The following RUNX2 variants were observed in gnomAD, a reference collection of about 807,000 sequenced individuals.
RUNX2 encodes runt-related transcription factor 2.
In RUNX2, 10 loss-of-function variants were observed where a neutral mutation model predicts 51.7. The ratio of observed to expected loss-of-function variants is 0.19; its 90% CI spans 0.12 to 0.33. The LOEUF (loss-of-function observed/expected upper bound fraction) is 0.33. Among genes scored for constraint, RUNX2 ranks in the 10% least tolerant of loss-of-function variants. The pLI, the probability that RUNX2 is intolerant of heterozygous loss-of-function variation, is 1.00. For synonymous variants in RUNX2, 276 were observed against 273.6 expected (o/e 1.01, Z -0.09); for missense variants, 562 against 691.3 (o/e 0.81, Z 2.10).
At chr6:45,339,151 C>T (rs1789230782) in intron 2 of RUNX2, among the ~76,000 whole-genome samples, 1 of 152,002 alleles carries the variant, frequency 6.6e-6, no homozygotes, top group South Asian at 2.1e-4. Context: ...TATTACTTGA[C>T]TATAAGGCTT....
intron 2 of RUNX2, among the ~76,000 whole-genome samples, chr6:45,340,954 G>A (rs1259369925): frequency 6.6e-6 from 1 of 152,008 alleles, no homozygotes; most frequent in African/African-American, 2.4e-5. Context: ...CTACACATAT[G>A]CTAAGTGATC....
chr6:45,449,478 A>G (rs1582124195), intron 5 of RUNX2, among the ~76,000 whole-genome samples: 1 of 152,212 alleles, frequency 6.6e-6, no homozygotes, highest in Non-Finnish European at 1.5e-5. Context: ...CATTTGTCCT[A>G]TGTTACTCTG....
At chr6:45,429,909 C>T (rs147540671) in intron 3 of RUNX2, among the ~76,000 whole-genome samples, 3,183 of 152,116 alleles carry the variant, frequency 0.021, 49 homozygotes, top group Non-Finnish European at 0.033. Flanking sequence ...GCCTGGCCAA[C>T]ATGGTGAAAC....
chr6:45,442,815 T>G (rs761490761), intron 5 of RUNX2, among the ~76,000 whole-genome samples: 42 of 152,148 alleles, frequency 2.8e-4, no homozygotes, highest in Non-Finnish European at 4.1e-4. Context: ...ACATCCCACA[T>G]GCTTCATTTA....
chr6:45,363,010 G>A (rs1563026209), intron 2 of RUNX2, among the ~76,000 whole-genome samples: 1 of 151,694 alleles, frequency 6.6e-6, no homozygotes, highest in Non-Finnish European at 1.5e-5. Flanking sequence ...AGGTACATAG[G>A]TTTTTTATTT....
At chr6:45,487,599 A>G (rs1171954510) in intron 5 of RUNX2, among the ~76,000 whole-genome samples, 2 of 152,202 alleles carry the variant, frequency 1.3e-5, no homozygotes, top group East Asian at 1.9e-4. Context: ...TAGATTCACT[A>G]GATTGTCAAA....
intron 7 of RUNX2, among the ~76,000 whole-genome samples, chr6:45,524,541 A>G (rs1801612073): frequency 6.6e-6 from 1 of 152,224 alleles, no homozygotes; most frequent in South Asian, 2.1e-4. Context: ...AATAAAAATA[A>G]CACATATAAT....
rs772777645 is a variant in RUNX2, at chr6:45,422,809, G to A, written c.275G>A (p.Arg92Gln). The change falls in exon 3 of 9, where the codon CGG (arginine) becomes CAG (glutamine). Residue 92 changes from arginine (R) to glutamine (Q), a missense_variant. Arg to Gln is a conservative substitution (Grantham distance 43). Transcript: ENST00000647337. The part of the protein sequence containing the change: ...AAAAAAAAVP[R>Q]LRPPHDNRTM... ...GCGGCGGCGGCAGCTGCAGTGCCCC[G>A]GTTGCGGCCGCCCCACGACAACCGC... 67 of 1,586,860 alleles carry A rather than the reference G, an allele frequency of 4.2e-5. No homozygotes were observed. The highest frequency in any genetic ancestry group is 5.6e-5 in the Non-Finnish European group (65 of 1,170,428).
rs150165369 is a variant in RUNX2, at chr6:45,465,385, T to A, written c.686-26556T>A. Among the ~76,000 whole-genome samples, 142 of 152,260 alleles carry A rather than the reference T, an allele frequency of 9.3e-4. No individual in the cohort carries two copies. In the South Asian group the frequency reaches 0.015, roughly 16 times the overall value. On this transcript the variant is annotated intron_variant, in intron 5 of 8. Coordinates refer to ENST00000647337, the MANE Select transcript of RUNX2 (RefSeq NM_001024630.4). ...TATGATATTTTGAGGGTGTTCTGCC[T>A]GGATAATAAATATTATTGGTCAAGA...
intron 6 of RUNX2, among the ~76,000 whole-genome samples, chr6:45,511,427 C>T (rs1801142347): frequency 6.6e-6 from 1 of 151,032 alleles, no homozygotes; most frequent in Non-Finnish European, 1.5e-5. Context: ...TCCCCGTTCT[C>T]CTGTTTTGGG....
intron 5 of RUNX2, among the ~76,000 whole-genome samples, chr6:45,445,349 G>C (rs1455255699): frequency 2.0e-5 from 3 of 152,142 alleles, no homozygotes; most frequent in African/African-American, 7.2e-5. Context: ...TTAGAGATTG[G>C]TCACATGTGA....
chr6:45,467,928 C>G (rs1010997441), intron 5 of RUNX2, among the ~76,000 whole-genome samples: 2 of 152,254 alleles, frequency 1.3e-5, no homozygotes, highest in Non-Finnish European at 2.9e-5. Context: ...TTCTAGCTAC[C>G]AGCCTCTTTC....
intron 5 of RUNX2, among the ~76,000 whole-genome samples, chr6:45,460,716 A>C (rs1272500061): frequency 2.0e-5 from 3 of 151,812 alleles, no homozygotes; most frequent in Non-Finnish European, 1.5e-5. Context: ...CTATGATTGC[A>C]CTTGTTAATA....
At chr6:45,479,884 C>A (rs1197293571) in intron 5 of RUNX2, among the ~76,000 whole-genome samples, 1 of 152,170 alleles carries the variant, frequency 6.6e-6, no homozygotes, top group African/African-American at 2.4e-5. Flanking sequence ...TCTTCTAACT[C>A]CATTTAACAC....
chr6:45,440,767 T>C (rs1333983056), intron 5 of RUNX2, among the ~76,000 whole-genome samples: 1 of 152,240 alleles, frequency 6.6e-6, no homozygotes, highest in South Asian at 2.1e-4. Flanking sequence ...GCACACAGTT[T>C]GAAGATAATT....
rs540392893 is a variant in RUNX2 at position 45,549,784 on chromosome 6, C to A, written c.*2479C>A. On this transcript the variant is annotated 3_prime_UTR_variant, in exon 9 of 9. Coordinates refer to ENST00000647337, the MANE Select transcript of RUNX2 (RefSeq NM_001024630.4). Reference sequence around the variant, plus strand: ...CTTTTTTAAGTTTACAGTACACATACCGAGTGACTTTAGGGATGCTTTTGT... The same window carrying A: ...CTTTTTTAAGTTTACAGTACACATAACGAGTGACTTTAGGGATGCTTTTGT... 2.6e-5 allele frequency: 4 copies of A among 155,592 alleles called. No homozygotes were observed. The South Asian group carries it at 6.2e-4, about 24-fold the overall frequency. 9.6% of individuals were successfully genotyped at this position (155,592 alleles called of 1,614,324 possible). A position where few individuals can be genotyped will look rare whatever the true frequency, so the allele number is the denominator to read the frequency against.
intron 7 of RUNX2, among the ~76,000 whole-genome samples, chr6:45,520,963 G>A (rs1009845208): frequency 2.0e-5 from 3 of 152,100 alleles, no homozygotes; most frequent in South Asian, 2.1e-4. Context: ...TGATCCACCC[G>A]CCTCGGCCTC....
chr6:45,403,981 C>T (rs565522635), intron 2 of RUNX2, among the ~76,000 whole-genome samples: 14 of 152,004 alleles, frequency 9.2e-5, no homozygotes, highest in Admixed American at 3.9e-4. Flanking sequence ...GGGAGTAGGC[C>T]GGGCGCAGTG....
At chr6:45,421,748 C>G (rs1027426469) in intron 2 of RUNX2, 4 of 152,360 alleles carry the variant, frequency 2.6e-5, no homozygotes, top group Non-Finnish European at 5.9e-5. Flanking sequence ...GCACACGGCG[C>G]GCGGGGGGCT....
Sources: gnomAD v4.1 joint callset for allele counts (sites outside exome capture counted in the v4.1 genomes callset) on GRCh38, gnomAD v4.1.1 for gene constraint, MANE v1.5 for transcripts, NCBI Gene and HGNC (gene_info 2026-07-23, HGNC 2026-07-21) for gene names.